The following FAM168B variants were observed in gnomAD, a reference collection of about 807,000 sequenced individuals.
FAM168B encodes the protein myelin-associated neurite-outgrowth inhibitor.
In FAM168B, 19 loss-of-function variants were observed where a neutral mutation model predicts 21.8. That is an observed-to-expected ratio of 0.87 (90% CI 0.61 to 1.28). FAM168B has a LOEUF of 1.28. Ranked by LOEUF, FAM168B falls within the 50% of genes most tolerant of loss-of-function variation. The pLI is 0.00. For missense variants in FAM168B, 233 were observed against 263.1 expected (o/e 0.89, Z 0.79); for synonymous variants, 126 against 104.8 (o/e 1.20, Z -1.24).
intron 3 of FAM168B, among the ~76,000 whole-genome samples, chr2:131,065,563 C>T (rs113901240): frequency 0.015 from 2,205 of 151,998 alleles, 56 homozygotes; most frequent in African/African-American, 0.05. Flanking sequence ...CTTAGGTGGG[C>T]GGGATCGCCT....
chr2:131,055,734 C>T (rs764463681), intron 3 of FAM168B, 39 bp from the exon 4 acceptor site: 25 of 1,602,804 alleles, frequency 1.6e-5, no homozygotes, highest in African/African-American at 2.7e-5. Context: ...TCACCCAAGC[C>T]GGTCCAGGCG....
chr2:131,071,950 T>C lies in FAM168B; in HGVS notation c.71-12A>G, dbSNP rs1324630882. ...CATGGGAAAACCAGCTGAAGAAAAA[T>C]AAAGAACAATCTCATGTCATCAACT... On this transcript the variant is annotated splice_polypyrimidine_tract_variant and intron_variant, in intron 2 of 6. Transcript: ENST00000389915. 3 of 1,611,940 alleles carry C rather than the reference T, an allele frequency of 1.9e-6. No individual in the cohort carries two copies. The highest frequency in any genetic ancestry group is 1.3e-5 in the African/African-American group (1 of 74,486).
At chr2:131,078,501 A>G (rs1693274757) in intron 2 of FAM168B, among the ~76,000 whole-genome samples, 1 of 152,220 alleles carries the variant, frequency 6.6e-6, no homozygotes, top group Non-Finnish European at 1.5e-5. Context: ...AAGGGACAAA[A>G]ACAATATTTG....
intron 1 of FAM168B, among the ~76,000 whole-genome samples, chr2:131,087,149 G>A (rs1268367994): frequency 1.3e-5 from 2 of 151,708 alleles, no homozygotes; most frequent in Non-Finnish European, 2.9e-5. Flanking sequence ...TGTGGAGGAG[G>A]GAAGAAATAG....
intron 1 of FAM168B, among the ~76,000 whole-genome samples, chr2:131,092,859 G>A (rs954495621): frequency 2.0e-5 from 3 of 152,174 alleles, no homozygotes; most frequent in African/African-American, 7.2e-5. Flanking sequence ...AAAGTGAGCA[G>A]TTACACATTG....
chr2:131,090,306 G>A (rs374907547), intron 1 of FAM168B, among the ~76,000 whole-genome samples: 95 of 139,822 alleles, frequency 6.8e-4, no homozygotes, highest in African/African-American at 2.4e-3. Flanking sequence ...GCGACAAAGC[G>A]AGACTCTTGT....
At chr2:131,090,028 T>C (rs1338320994) in intron 1 of FAM168B, among the ~76,000 whole-genome samples, 1 of 114,986 alleles carries the variant, frequency 8.7e-6, no homozygotes, top group Admixed American at 9.8e-5. Flanking sequence ...ACGCTCCATC[T>C]CAAAAAAAGA....
intron 1 of FAM168B, among the ~76,000 whole-genome samples, chr2:131,091,703 T>G (rs1694040958): frequency 6.6e-6 from 1 of 151,884 alleles, no homozygotes; most frequent in African/African-American, 2.4e-5. Flanking sequence ...TTACCTTCAT[T>G]ACCAAGGTTT....
intron 2 of FAM168B, among the ~76,000 whole-genome samples, chr2:131,080,950 A>G (rs1205205272): frequency 2.0e-5 from 3 of 151,986 alleles, no homozygotes; most frequent in Non-Finnish European, 4.4e-5. Context: ...GATTACAGGC[A>G]TGAGCCACTA....
intron 3 of FAM168B, 85 bp from the exon 4 acceptor site, chr2:131,055,780 CGT>C (rs1691989810): frequency 6.6e-7 from 1 of 1,512,140 alleles, no homozygotes; most frequent in Admixed American, 2.1e-5. Flanking sequence ...AGCTAAGCTG[CGT>C]GTCAGCCCCA....
Position 131,048,823 on chromosome 2 carries a change from C to T in FAM168B, c.*3642G>A. 3 of 986,258 alleles carry T rather than the reference C, an allele frequency of 3.0e-6. No individual in the cohort carries two copies. The highest frequency in any genetic ancestry group is 3.6e-6 in the Non-Finnish European group (3 of 830,232). The allele number at this position is 986,258 out of a possible 1,614,324, so 61.1% of individuals were successfully genotyped here. ...ACCAGAGAGGAGGACCAGACGCTGCCACCCACCTCAAGCCACACCCCTGCC... is the reference window on the plus strand; with the variant it reads ...ACCAGAGAGGAGGACCAGACGCTGCTACCCACCTCAAGCCACACCCCTGCC... On this transcript the variant is annotated 3_prime_UTR_variant, in exon 7 of 7. Transcript: ENST00000389915.
At chr2:131,088,442 G>A (rs1292064641) in intron 1 of FAM168B, among the ~76,000 whole-genome samples, 1 of 151,998 alleles carries the variant, frequency 6.6e-6, no homozygotes, top group Non-Finnish European at 1.5e-5. Context: ...GAGGAGGAAG[G>A]CCAGATAATT....
chr2:131,063,312 GTTT>G (rs1692397543), intron 3 of FAM168B, among the ~76,000 whole-genome samples: 1 of 152,128 alleles, frequency 6.6e-6, no homozygotes, highest in African/African-American at 2.4e-5. Context: ...CACAACAATG[GTTT>G]TTAATATATA....
At chr2:131,071,752 G>T in intron 3 of FAM168B, 103 bp downstream of exon 3, 1 of 989,652 alleles carries the variant, frequency 1.0e-6, no homozygotes, top group Admixed American at 2.0e-5. Context: ...TTGAGAAATC[G>T]ACTCAACCAA....
At chr2:131,072,382 C>T (rs997811822) in intron 2 of FAM168B, among the ~76,000 whole-genome samples, 6 of 152,088 alleles carry the variant, frequency 3.9e-5, no homozygotes, top group African/African-American at 1.4e-4. Flanking sequence ...CCTCGGCCTC[C>T]CAAAGTGCTG....
At chr2:131,079,488 CA>C (rs1693327316) in intron 2 of FAM168B, among the ~76,000 whole-genome samples, 1 of 152,064 alleles carries the variant, frequency 6.6e-6, no homozygotes, top group African/African-American at 2.4e-5. Flanking sequence ...AACAAACACA[CA>C]AAAGACACAC....
At chr2:131,052,685 T>C (rs1691756862) in intron 6 of FAM168B, among the ~76,000 whole-genome samples, 1 of 152,182 alleles carries the variant, frequency 6.6e-6, no homozygotes, top group Non-Finnish European at 1.5e-5. Flanking sequence ...AGATGGACAG[T>C]GTCAACAGTA....
intron 1 of FAM168B, among the ~76,000 whole-genome samples, chr2:131,086,619 C>A (rs367831821): frequency 3.4e-4 from 52 of 152,296 alleles, no homozygotes; most frequent in African/African-American, 1.0e-3. Flanking sequence ...GAAAGCCTGT[C>A]TGTACTATCC....
At chr2:131,064,052 C>T (rs1692435130) in intron 3 of FAM168B, among the ~76,000 whole-genome samples, 1 of 152,142 alleles carries the variant, frequency 6.6e-6, no homozygotes, top group East Asian at 1.9e-4. Flanking sequence ...GATTCTCCCT[C>T]CCCAGGAAGC....
Sources: gnomAD v4.1 joint callset for allele counts (sites outside exome capture counted in the v4.1 genomes callset) on GRCh38, gnomAD v4.1.1 for gene constraint, MANE v1.5 for transcripts, NCBI Gene and HGNC (gene_info 2026-07-23, HGNC 2026-07-21) for gene names.